Variants in RGL1 observed in about 807,000 individuals in gnomAD.
The protein encoded by RGL1 is ral guanine nucleotide dissociation stimulator-like 1.
A neutral mutation model predicts 95.2 loss-of-function variants in RGL1; 24 were observed. The ratio of observed to expected loss-of-function variants is 0.25; its 90% confidence interval spans 0.18 to 0.35. The LOEUF (loss-of-function observed/expected upper bound fraction) is 0.35. Ranked by LOEUF, RGL1 falls within the 10% of genes least tolerant of loss-of-function variation. The probability of loss-of-function intolerance (pLI) is 1.00; values close to 1 mark genes in which losing one functional copy is unlikely to be tolerated. For synonymous variants in RGL1, 329 were observed against 344.9 expected, an observed-to-expected ratio of 0.95 and a Z score of 0.51; for missense variants, 715 against 936.3, an observed-to-expected ratio of 0.76 and a Z score of 3.08.
At chr1:183,916,821 C>CT in intron 16 of RGL1, 120 bp downstream of exon 16, 8 of 1,143,676 alleles carry the variant, frequency 7.0e-6, no homozygotes, top group Non-Finnish European at 9.8e-6. Flanking sequence ...TACATATATG[C>CT]ATTCACACAG....
intron 1 of RGL1, among the ~76,000 whole-genome samples, chr1:183,738,468 A>T (rs932325347): frequency 2.0e-5 from 3 of 152,158 alleles, no homozygotes; most frequent in African/African-American, 7.2e-5. Context: ...CAACTATAAG[A>T]TGCACAGTAT....
Position 183,722,216 on chromosome 1 carries a change from A to G in RGL1, c.-32-19910A>G, listed in dbSNP as rs189983110. On this transcript the variant is annotated intron_variant, in intron 1 of 18. Coordinates refer to the RGL1 transcript ENST00000304685. Reference sequence around the variant, plus strand: ...TCCAAGAAGAAGGAGAGAACACTTAATAGTCTGGGACCAAAAAAAAAAAAA... The same window carrying G: ...TCCAAGAAGAAGGAGAGAACACTTAGTAGTCTGGGACCAAAAAAAAAAAAA... 4.6e-5 allele frequency among the ~76,000 whole-genome samples: 7 copies of G among 151,716 alleles called. 1 individual carries two copies. Among genetic ancestry groups the G allele is most frequent in the Admixed American group, 3.9e-4 (6 of 15,210 alleles).
At chr1:183,654,340 C>A (rs916522482) in intron 1 of RGL1, among the ~76,000 whole-genome samples, 20 of 152,188 alleles carry the variant, frequency 1.3e-4, no homozygotes, top group Admixed American at 2.6e-4. Flanking sequence ...TGGGTCATCC[C>A]TTTTTTCTCA....
rs1361469420 is a variant in RGL1 at position 183,702,535 on chromosome 1, G to A, written c.-32-39591G>A. 3.3e-5 allele frequency among the ~76,000 whole-genome samples: 5 copies of A among 152,198 alleles called. No homozygotes were observed. In the East Asian group the frequency reaches 9.6e-4, roughly 29 times the overall value. On this transcript the variant is annotated intron_variant, in intron 1 of 18. Transcript: ENST00000304685. ...TCAAGACATAGGTCTTGATTCACAT[G>A]GAAGGTGGTGACATGGCTGTCTATG...
At chr1:183,715,218 T>C (rs1655537249) in intron 1 of RGL1, among the ~76,000 whole-genome samples, 1 of 152,210 alleles carries the variant, frequency 6.6e-6, no homozygotes. Flanking sequence ...GGATGATCTC[T>C]GACATTCCTT....
At chr1:183,671,577 A>G (rs1184493779) in intron 1 of RGL1, among the ~76,000 whole-genome samples, 3 of 152,090 alleles carry the variant, frequency 2.0e-5, no homozygotes, top group Admixed American at 1.3e-4. Context: ...ACAGAAAGGG[A>G]ATGAAGAGTG....
chr1:183,744,489 A>T (rs950557253), intron 2 of RGL1, among the ~76,000 whole-genome samples: 6 of 152,132 alleles, frequency 3.9e-5, no homozygotes, highest in African/African-American at 1.4e-4. Flanking sequence ...GAGTGAGTGT[A>T]TCCTTAAATT....
chr1:183,889,044 T>C (rs1223254077), intron 8 of RGL1, among the ~76,000 whole-genome samples: 1 of 152,208 alleles, frequency 6.6e-6, no homozygotes, highest in East Asian at 1.9e-4. Flanking sequence ...CTTATTGGCA[T>C]TAAAAACCTT....
chr1:183,689,405 T>C (rs1653808234), intron 1 of RGL1, among the ~76,000 whole-genome samples: 1 of 152,212 alleles, frequency 6.6e-6, no homozygotes, highest in Non-Finnish European at 1.5e-5. Flanking sequence ...GTTTCTCTCC[T>C]GGATGTGTTT....
intron 2 of RGL1, among the ~76,000 whole-genome samples, chr1:183,798,793 T>C (rs1249003922): frequency 6.6e-6 from 1 of 151,398 alleles, no homozygotes. Flanking sequence ...TGTGAGACCA[T>C]ACAGTATTTG....
At chr1:183,703,315 C>T (rs988190118) in intron 1 of RGL1, among the ~76,000 whole-genome samples, 2 of 152,184 alleles carry the variant, frequency 1.3e-5, no homozygotes, top group African/African-American at 4.8e-5. Context: ...GGTTGGTATT[C>T]ATCATGTCGT....
chr1:183,857,170 G>T (rs1665206507), intron 3 of RGL1, among the ~76,000 whole-genome samples: 1 of 152,124 alleles, frequency 6.6e-6, no homozygotes, highest in African/African-American at 2.4e-5. Flanking sequence ...GAGATACAAG[G>T]ATGGAAATGG....
chr1:183,893,326 G>T (rs915083041), intron 9 of RGL1, among the ~76,000 whole-genome samples: 1 of 152,114 alleles, frequency 6.6e-6, no homozygotes, highest in Admixed American at 6.6e-5. Context: ...TCTATAAATG[G>T]GAGCCAATCA....
intron 2 of RGL1, among the ~76,000 whole-genome samples, chr1:183,836,852 G>A (rs949115093): frequency 6.6e-6 from 1 of 152,072 alleles, no homozygotes; most frequent in Non-Finnish European, 1.5e-5. Flanking sequence ...ATTTCATTTT[G>A]GAGGGGAAGG....
intron 2 of RGL1, among the ~76,000 whole-genome samples, chr1:183,835,746 T>C (rs1291591262): frequency 1.3e-5 from 2 of 152,194 alleles, no homozygotes; most frequent in Non-Finnish European, 2.9e-5. Flanking sequence ...GTAGTTGGTG[T>C]AGGGGAAAGA....
At chr1:183,662,567 C>A (rs2102029029) in intron 1 of RGL1, among the ~76,000 whole-genome samples, 1 of 152,216 alleles carries the variant, frequency 6.6e-6, no homozygotes, top group South Asian at 2.1e-4. Context: ...AAAGAGGATA[C>A]AAACAAATGG....
intron 1 of RGL1, among the ~76,000 whole-genome samples, chr1:183,670,460 G>A (rs1292391619): frequency 6.6e-6 from 1 of 152,120 alleles, no homozygotes; most frequent in Non-Finnish European, 1.5e-5. Context: ...GATGTAAAAC[G>A]CATAAAAGTG....
At chr1:183,805,771 C>T (rs956264286) in intron 1 of RGL1, among the ~76,000 whole-genome samples, 1 of 152,044 alleles carries the variant, frequency 6.6e-6, no homozygotes, top group African/African-American at 2.4e-5. Flanking sequence ...AAACTTTCCA[C>T]CCCCGCTAAC....
At chr1:183,819,464 C>T (rs780714787) in intron 2 of RGL1, among the ~76,000 whole-genome samples, 3 of 152,130 alleles carry the variant, frequency 2.0e-5, no homozygotes, top group Non-Finnish European at 2.9e-5. Context: ...TCTGGCCCTC[C>T]GACACTTTTC....
Sources: allele counts gnomAD v4.1 joint callset (sites outside exome capture counted in the v4.1 genomes callset), GRCh38; gene constraint gnomAD v4.1.1; transcripts MANE v1.5; gene names NCBI Gene and HGNC (gene_info 2026-07-23, HGNC 2026-07-21).